OPA1: variants seen among roughly 807,000 people sequenced by gnomAD.
OPA1 encodes OPA1 mitochondrial dynamin like GTPase, also known as dynamin-like GTPase OPA1, mitochondrial.
OPA1 carries 59 observed loss-of-function variants against 152.9 expected under a neutral mutation model. The observed-to-expected ratio is 0.39, with a 90% confidence interval of 0.31 to 0.48. OPA1 has a LOEUF of 0.48. OPA1 is among the 20% of genes least tolerant of loss of function. The pLI, the probability that OPA1 is intolerant of heterozygous loss-of-function variation, is 0.96. For missense variants in OPA1, 1,008 were observed against 1,216.8 expected, an observed-to-expected ratio of 0.83 and a Z score of 2.55; for synonymous variants, 400 against 389.9, an observed-to-expected ratio of 1.03 and a Z score of -0.31.
At chr3:193,663,502 G>A (rs762768924) in intron 26 of OPA1, among the ~76,000 whole-genome samples, 11 of 152,038 alleles carry the variant, frequency 7.2e-5, no homozygotes, top group Non-Finnish European at 1.3e-4. Context: ...TTACCTTCAT[G>A]ATGCTTTTTT....
intron 1 of OPA1, among the ~76,000 whole-genome samples, chr3:193,607,888 C>G (rs968890870): frequency 6.6e-6 from 1 of 152,172 alleles, no homozygotes; most frequent in Non-Finnish European, 1.5e-5. Flanking sequence ...TCTTCCTACC[C>G]ATGAGCATGG....
intron 29 of OPA1, among the ~76,000 whole-genome samples, chr3:193,686,314 TG>T (rs1235769970): frequency 5.3e-5 from 8 of 152,222 alleles, no homozygotes; most frequent in Admixed American, 5.2e-4. Context: ...TTCAAAGTAC[TG>T]TACCAGTCTT....
chr3:193,648,734 C>G (rs2109083107), intron 20 of OPA1, 61 bp from the exon 21 acceptor site: 1 of 1,186,834 alleles, frequency 8.4e-7, no homozygotes, highest in East Asian at 2.4e-5. Flanking sequence ...CTCTGAAAAT[C>G]ATGACAGGGT....
intron 29 of OPA1, among the ~76,000 whole-genome samples, chr3:193,677,051 A>G (rs1397456810): frequency 6.6e-6 from 1 of 150,712 alleles, no homozygotes; most frequent in Non-Finnish European, 1.5e-5. Context: ...GTAAAAGAAC[A>G]TTTTCTTTTC....
At chr3:193,614,100 T>G (rs942388230) in intron 1 of OPA1, 1 of 400,510 alleles carries the variant, frequency 2.5e-6, no homozygotes, top group Admixed American at 2.9e-5. Context: ...ATTTAAATTC[T>G]GTTCCCTTTC....
Position 193,642,815 on chromosome 3 carries a change from T to G in OPA1, c.1200T>G (p.Ser400=). ...PHHVALFKDS[S]REFDLTKEED... is the part of the protein sequence containing the mutation. ...ATGTGGCCCTATTTAAAGATAGTTC[T>G]CGGGAGTTTGATCTTACCAAAGAAG... is the stretch of plus-strand genomic sequence containing the variant. Residue 400 remains serine (S), a synonymous_variant, in exon 12 of 31, where the codon TCT becomes TCG. Transcript: ENST00000361510. 1 of 1,613,820 alleles carries G rather than the reference T, an allele frequency of 6.2e-7. No homozygotes were observed. Among genetic ancestry groups the G allele is most frequent in the Non-Finnish European group, 8.5e-7 (1 of 1,179,708 alleles).
intron 29 of OPA1, chr3:193,668,373 C>T (rs1205004701): frequency 2.2e-5 from 34 of 1,551,032 alleles, no homozygotes; most frequent in African/African-American, 5.5e-5. Context: ...CACATGGCGC[C>T]GCACCCAGCA....
At chr3:193,646,982 G>A in intron 18 of OPA1, 83 bp from the exon 19 acceptor site, 1 of 835,454 alleles carries the variant, frequency 1.2e-6, no homozygotes, top group South Asian at 1.5e-5. Context: ...CTGTTAGCAA[G>A]CACATTCGCA....
intron 1 of OPA1, among the ~76,000 whole-genome samples, chr3:193,607,327 ATGAAGTCCT>A (rs1727445507): frequency 1.3e-5 from 2 of 152,246 alleles, no homozygotes; most frequent in Non-Finnish European, 2.9e-5. Context: ...TGTTTTAGAC[ATGAAGTCCT>A]TGGCCATGCC....
At position 193,662,802 on chromosome 3, in the gene OPA1, C is replaced by CT; in HGVS notation, c.2521-14dup. The CT allele has an allele frequency of 6.2e-7, 1 of 1,609,108 alleles. No individual in the cohort carries two copies. Among genetic ancestry groups the CT allele is most frequent in the Non-Finnish European group, 8.5e-7 (1 of 1,176,444 alleles). On this transcript the variant is annotated intron_variant, in intron 25 of 30. Coordinates refer to ENST00000361510, the MANE Select transcript of OPA1 (RefSeq NM_130837.3). ...AATTATGAACCATCTAAACACAGTC[C>CT]TTTTTTAAACATTTTAAAGTGTGTT...
At position 193,692,146 on chromosome 3, in the gene OPA1, C is replaced by A. The variant is rs1577411926; in HGVS notation, c.*5+14C>A. ...GAAATAAATTAAGTGAGTAAAAATT[C>A]TCTAACTGTATTGGTGCTGACTAAA... On this transcript the variant is annotated intron_variant, in intron 30 of 30. Transcript: ENST00000361510. 1.5e-6 allele frequency: 2 copies of A among 1,374,202 alleles called. No homozygotes were observed. Among genetic ancestry groups the A allele is most frequent in the Non-Finnish European group, 2.0e-6 (2 of 979,594 alleles). 85.1% of individuals were successfully genotyped at this position (1,374,202 alleles called of 1,614,324 possible). A position where few individuals can be genotyped will look rare whatever the true frequency, so the allele number is the denominator to read the frequency against.
In OPA1 at chr3:193,643,508, T is replaced by G; in HGVS notation, c.1378-20T>G. 1 of 1,611,508 alleles carries G rather than the reference T, an allele frequency of 6.2e-7. No homozygotes were observed. Among genetic ancestry groups the G allele is most frequent in the Non-Finnish European group, 8.5e-7 (1 of 1,177,726 alleles). Reference sequence around the variant, plus strand: ...TTGTGTGAAGCATTTATAATGACATTTAAAACCTTTTTCTTTAAGACTGTG... The same window carrying G: ...TTGTGTGAAGCATTTATAATGACATGTAAAACCTTTTTCTTTAAGACTGTG... On this transcript the variant is annotated intron_variant, in intron 14 of 30. Transcript: ENST00000361510.
At chr3:193,635,299 T>C (rs1732762532) in intron 8 of OPA1, 119 bp from the exon 9 acceptor site, 1 of 633,856 alleles carries the variant, frequency 1.6e-6, no homozygotes, top group Non-Finnish European at 2.8e-6. Flanking sequence ...GCTTTTAAAA[T>C]GTAATACATT....
At chr3:193,651,633 C>T (rs1303210052) in intron 21 of OPA1, among the ~76,000 whole-genome samples, 4 of 152,078 alleles carry the variant, frequency 2.6e-5, no homozygotes, top group Admixed American at 2.6e-4. Context: ...GATTACTGCT[C>T]TATGGATAGA....
chr3:193,615,540 T>C, intron 2 of OPA1, 134 bp from the exon 3 acceptor site: 1 of 689,740 alleles, frequency 1.4e-6, no homozygotes, highest in Non-Finnish European at 2.6e-6. Flanking sequence ...TGAGACCACT[T>C]AATTTTGTTT....
At chr3:193,674,810 G>A (rs1056211872) in intron 29 of OPA1, among the ~76,000 whole-genome samples, 27 of 152,076 alleles carry the variant, frequency 1.8e-4, no homozygotes, top group Non-Finnish European at 1.3e-4. Context: ...AGTATGAGAT[G>A]GAAATTTTCC....
intron 29 of OPA1, among the ~76,000 whole-genome samples, chr3:193,674,962 C>T (rs1432872230): frequency 1.3e-5 from 2 of 152,264 alleles, no homozygotes; most frequent in South Asian, 4.1e-4. Flanking sequence ...TCCCCGATTA[C>T]CGTGTACCCG....
chr3:193,660,868 C>T lies in OPA1; in HGVS notation c.2520+1307C>T, dbSNP rs778661504. Among the ~76,000 whole-genome samples, 3 of 152,242 alleles carry T rather than the reference C, an allele frequency of 2.0e-5. No homozygotes were observed. The East Asian group carries it at 5.8e-4, about 29-fold the overall frequency. On this transcript the variant is annotated intron_variant, in intron 25 of 30. Transcript: ENST00000361510. ...AAGGAGGTCTGTCAGAAGAGAATTTCTAGAGATCCATCCAAGGTTTCTGAC... is the reference window on the plus strand; with the variant it reads ...AAGGAGGTCTGTCAGAAGAGAATTTTTAGAGATCCATCCAAGGTTTCTGAC...
chr3:193,675,637 A>G (rs1718841230), intron 29 of OPA1, among the ~76,000 whole-genome samples: 1 of 152,150 alleles, frequency 6.6e-6, no homozygotes, highest in Non-Finnish European at 1.5e-5. Flanking sequence ...TTACTCAGAT[A>G]CTGCCAGTGT....
Sources: gnomAD v4.1 joint callset for allele counts (sites outside exome capture counted in the v4.1 genomes callset) on GRCh38, gnomAD v4.1.1 for gene constraint, MANE v1.5 for transcripts, NCBI Gene and HGNC (gene_info 2026-07-23, HGNC 2026-07-21) for gene names.